KCNB2: variants seen among roughly 807,000 people sequenced by gnomAD.
KCNB2 encodes potassium voltage-gated channel subfamily B member 2.
Under a neutral mutation model 61.5 loss-of-function variants are expected in KCNB2, and 15 were observed. The ratio of observed to expected loss-of-function variants is 0.24; its 90% CI spans 0.16 to 0.38. KCNB2 has a LOEUF of 0.38. KCNB2 is among the 10% of genes least tolerant of loss of function. The pLI is 1.00. For synonymous variants in KCNB2, 457 were observed against 446.0 expected, an observed-to-expected ratio of 1.02 and a Z score of -0.31; for missense variants, 828 against 1,125.2, an observed-to-expected ratio of 0.74 and a Z score of 3.78.
chr8:72,647,095 A>G (rs185457011), intron 2 of KCNB2, among the ~76,000 whole-genome samples: 481 of 152,198 alleles, frequency 3.2e-3, no homozygotes, highest in African/African-American at 0.011. Flanking sequence ...TGCAGCAGCG[A>G]GGTTGGCAGC....
At chr8:72,912,070 T>C (rs1009563806) in intron 2 of KCNB2, among the ~76,000 whole-genome samples, 21 of 152,208 alleles carry the variant, frequency 1.4e-4, no homozygotes, top group Admixed American at 6.5e-5. Context: ...CACTTTATAT[T>C]CTAATCAAAC....
chr8:72,712,800 G>T (rs1807347238), intron 2 of KCNB2, among the ~76,000 whole-genome samples: 1 of 152,156 alleles, frequency 6.6e-6, no homozygotes, highest in Admixed American at 6.5e-5. Context: ...ACTGAGGAGT[G>T]CTGGGCAGTG....
Position 72,683,963 on chromosome 8 carries a change from G to A in KCNB2, c.579+115650G>A, listed in dbSNP as rs905173620. 2.0e-5 allele frequency among the ~76,000 whole-genome samples: 3 copies of A among 152,120 alleles called. No homozygotes were observed. In the South Asian group the frequency reaches 6.2e-4, roughly 32 times the overall value. ...TTATACTTTTTCCCTTGAATGATGG[G>A]TAGAGATTGAAGGATATTAATGAAA... On this transcript the variant is annotated intron_variant, in intron 2 of 2. Coordinates refer to ENST00000523207, the MANE Select transcript of KCNB2 (RefSeq NM_004770.3).
intron 2 of KCNB2, among the ~76,000 whole-genome samples, chr8:72,726,707 A>G (rs1807656423): frequency 6.6e-6 from 1 of 152,246 alleles, no homozygotes. Context: ...TTGTGCTTTT[A>G]CAAGTTCTGC....
intron 2 of KCNB2, among the ~76,000 whole-genome samples, chr8:72,791,919 CCTACTT>C (rs1216928705): frequency 6.6e-6 from 1 of 152,258 alleles, no homozygotes; most frequent in East Asian, 1.9e-4. Flanking sequence ...TAACAATAGG[CCTACTT>C]CTTTAGTACT....
In KCNB2 at chr8:72,725,510, C is replaced by CATATAT. The variant is rs774224955; in HGVS notation, c.579+157222_579+157227dup. 3.1e-3 allele frequency among the ~76,000 whole-genome samples: 181 copies of CATATAT among 58,890 alleles called. 1 individual carries two copies. The highest frequency in any genetic ancestry group is 0.012 in the South Asian group (20 of 1,714). 38.6% of individuals were successfully genotyped at this position (58,890 alleles called of 152,430 possible). ...ATATTTGGCTTGCTTTCTTTGTCTT[C>CATATAT]ATATATATATATATATATATATATA... is the stretch of plus-strand genomic sequence containing the variant. On this transcript the variant is annotated intron_variant, in intron 2 of 2. Transcript: ENST00000523207.
At chr8:72,599,167 C>A (rs934087219) in intron 2 of KCNB2, among the ~76,000 whole-genome samples, 1 of 152,158 alleles carries the variant, frequency 6.6e-6, no homozygotes, top group Admixed American at 6.6e-5. Flanking sequence ...AAGAACAAAG[C>A]TGGAGGCATC....
At chr8:72,842,811 T>C (rs191111091) in intron 2 of KCNB2, among the ~76,000 whole-genome samples, 116 of 152,336 alleles carry the variant, frequency 7.6e-4, no homozygotes, top group African/African-American at 2.7e-3. Flanking sequence ...TTGTGTCTAT[T>C]TGATTCTTCT....
intron 2 of KCNB2, among the ~76,000 whole-genome samples, chr8:72,823,744 A>G (rs779788751): frequency 2.0e-5 from 3 of 152,202 alleles, no homozygotes; most frequent in Admixed American, 6.5e-5. Flanking sequence ...CATTTTACAA[A>G]TGAAAAAGCC....
chr8:72,559,100 G>A (rs79063521), intron 1 of KCNB2, among the ~76,000 whole-genome samples: 132 of 151,616 alleles, frequency 8.7e-4, no homozygotes, highest in Non-Finnish European at 1.4e-3. Flanking sequence ...GTATAGTGTT[G>A]TGTCTTTTTC....
At chr8:72,793,771 A>C (rs1808982475) in intron 2 of KCNB2, among the ~76,000 whole-genome samples, 1 of 152,234 alleles carries the variant, frequency 6.6e-6, no homozygotes, top group Non-Finnish European at 1.5e-5. Flanking sequence ...AACGTTAACC[A>C]GTTTAACAGA....
intron 2 of KCNB2, among the ~76,000 whole-genome samples, chr8:72,746,198 G>A (rs1250944738): frequency 6.6e-6 from 1 of 152,084 alleles, no homozygotes; most frequent in Non-Finnish European, 1.5e-5. Flanking sequence ...TTCCCAAGCA[G>A]TATTTCTGTG....
At chr8:72,738,033 C>T (rs576414242) in intron 2 of KCNB2, among the ~76,000 whole-genome samples, 4 of 152,210 alleles carry the variant, frequency 2.6e-5, no homozygotes, top group South Asian at 2.1e-4. Context: ...AAAATATACC[C>T]GTTTACACAA....
intron 2 of KCNB2, among the ~76,000 whole-genome samples, chr8:72,836,840 G>T (rs934868075): frequency 6.6e-6 from 1 of 152,182 alleles, no homozygotes; most frequent in Non-Finnish European, 1.5e-5. Context: ...AACCCAGGAA[G>T]TTGAAACTGC....
intron 2 of KCNB2, among the ~76,000 whole-genome samples, chr8:72,722,462 TAGCC>T (rs746205762): frequency 8.3e-4 from 126 of 152,224 alleles, no homozygotes; most frequent in Non-Finnish European, 1.4e-3. Context: ...TGCTCCCCTC[TAGCC>T]CAGAGGCTTT....
Position 72,936,016 on chromosome 8 carries a change from A to G in KCNB2, c.661A>G (p.Thr221Ala). 1 of 1,614,132 alleles carries G rather than the reference A, an allele frequency of 6.2e-7. No homozygotes were observed. Among genetic ancestry groups the G allele is most frequent in the Non-Finnish European group, 8.5e-7 (1 of 1,180,030 alleles). ...CAATACGCTGCCGGAGCTGCAGGAA[A>G]CGGACGAATTTGGACAACTCAATGA... ...SLNTLPELQE[T>A]DEFGQLNDNR... is the part of the protein sequence containing the mutation. The change falls in exon 3 of 3, where the codon ACG becomes GCG. Residue 221 changes from threonine to alanine, a missense_variant. Around this residue, in one of 4 missense-constraint regions of KCNB2, gnomAD observed 163 missense variants for 314.4 expected, o/e 0.52. Coordinates refer to ENST00000523207, the MANE Select transcript of KCNB2 (RefSeq NM_004770.3). This position sits in a 1 kb window ranked among gnomAD's most constrained non-coding sequence, Gnocchi z 5.6.
At chr8:72,887,481 G>A (rs892001656) in intron 2 of KCNB2, among the ~76,000 whole-genome samples, 2 of 152,096 alleles carry the variant, frequency 1.3e-5, no homozygotes, top group Admixed American at 6.6e-5. Context: ...AACTCTGTAC[G>A]AGCTCATCAG....
chr8:72,574,759 A>G (rs536536925), intron 2 of KCNB2, among the ~76,000 whole-genome samples: 1 of 152,238 alleles, frequency 6.6e-6, no homozygotes, highest in Non-Finnish European at 1.5e-5. Flanking sequence ...AATAGAGTAC[A>G]TCAACAGTAT....
chr8:72,829,081 T>C (rs968821996), intron 2 of KCNB2, among the ~76,000 whole-genome samples: 8 of 152,192 alleles, frequency 5.3e-5, no homozygotes, highest in Non-Finnish European at 8.8e-5. Context: ...CAGAGAAGAT[T>C]CTAAATATCT....
Sources: allele counts gnomAD v4.1 joint callset (sites outside exome capture counted in the v4.1 genomes callset), GRCh38; gene constraint gnomAD v4.1.1; regional missense constraint gnomAD v4.1.1; non-coding constraint Gnocchi (gnomAD v3.1); transcripts MANE v1.5; gene names NCBI Gene and HGNC (gene_info 2026-07-23, HGNC 2026-07-21).